Variants in SPIN1 observed in about 807,000 individuals in gnomAD.
SPIN1 encodes spindlin-1.
SPIN1 carries 3 observed loss-of-function variants against 26.0 expected under a neutral mutation model. The observed-to-expected ratio is 0.12, with a 90% CI of 0.05 to 0.30. The LOEUF (loss-of-function observed/expected upper bound fraction) is 0.30. SPIN1 is among the 10% of genes least tolerant of loss of function. SPIN1 has a pLI of 1.00. For synonymous variants in SPIN1, 101 were observed against 116.5 expected, an observed-to-expected ratio of 0.87 and a Z score of 0.86; for missense variants, 126 against 333.4, an observed-to-expected ratio of 0.38 and a Z score of 4.84.
At chr9:88,410,579 A>G (rs1358494389) in intron 1 of SPIN1, 2 of 847,846 alleles carry the variant, frequency 2.4e-6, no homozygotes, top group East Asian at 2.4e-5. Flanking sequence ...GAACCACCAT[A>G]GTAGCCACCG....
At chr9:88,418,852 T>G (rs1827618711) in intron 1 of SPIN1, 1 of 152,198 alleles carries the variant, frequency 6.6e-6, no homozygotes, top group African/African-American at 2.4e-5. Context: ...TGCTGCAGTT[T>G]TTCAGTTTCC....
At chr9:88,440,694 T>A (rs1828104291) in intron 2 of SPIN1, among the ~76,000 whole-genome samples, 1 of 150,238 alleles carries the variant, frequency 6.7e-6, no homozygotes, top group African/African-American at 2.5e-5. Context: ...TTCTCCCACC[T>A]CAGCCTCCCC....
intron 1 of SPIN1, among the ~76,000 whole-genome samples, chr9:88,411,792 G>A (rs1473284018): frequency 6.6e-6 from 1 of 152,074 alleles, no homozygotes; most frequent in Non-Finnish European, 1.5e-5. Context: ...TGGGATTACA[G>A]GTGTGAACCA....
intron 5 of SPIN1, among the ~76,000 whole-genome samples, chr9:88,474,046 C>T (rs768860991): frequency 6.6e-6 from 1 of 152,048 alleles, no homozygotes; most frequent in Non-Finnish European, 1.5e-5. Flanking sequence ...TTATTGTAAC[C>T]GAAGAGGCAG....
chr9:88,411,499 A>G (rs935205594), intron 1 of SPIN1: 12 of 841,332 alleles, frequency 1.4e-5, no homozygotes, highest in African/African-American at 5.1e-5. Context: ...ATGATGCTTC[A>G]GCGTCATCCA....
chr9:88,425,673 C>CAA (rs370111864), intron 1 of SPIN1, among the ~76,000 whole-genome samples: 9 of 99,252 alleles, frequency 9.1e-5, no homozygotes, highest in Admixed American at 2.2e-4. Context: ...GACTCTGTCT[C>CAA]AAAAAAAAAA....
chr9:88,405,861 A>G (rs541405894), intron 1 of SPIN1, among the ~76,000 whole-genome samples: 7 of 151,364 alleles, frequency 4.6e-5, no homozygotes, highest in African/African-American at 1.5e-4. Context: ...TTTTTGAGAC[A>G]GGGTCTCGCT....
intron 2 of SPIN1, among the ~76,000 whole-genome samples, chr9:88,438,036 A>G (rs947252662): frequency 1.3e-5 from 2 of 152,092 alleles, no homozygotes; most frequent in African/African-American, 4.8e-5. Context: ...CTGTAATCCC[A>G]GCTACTTGGG....
chr9:88,462,692 C>T lies in SPIN1; in HGVS notation c.298C>T (p.Leu100=), dbSNP rs201550769. ...KYDGFDCVYG[L]ELNKDERVSA... is the part of the protein sequence containing the mutation. ...CGATGGATTTGACTGTGTTTATGGACTAGAACTTAATAAAGATGAAAGAGT... is the reference window on the plus strand; with the variant it reads ...CGATGGATTTGACTGTGTTTATGGATTAGAACTTAATAAAGATGAAAGAGT... Residue 100 remains leucine (L), a synonymous_variant, in exon 4 of 6, where the codon CTA becomes TTA. Transcript: ENST00000375859. The T allele has an allele frequency of 6.2e-7, 1 of 1,614,058 alleles. No individual in the cohort carries two copies. The highest frequency in any genetic ancestry group is 8.5e-7 in the Non-Finnish European group (1 of 1,179,994).
In SPIN1 at chr9:88,465,489, C is replaced by T. The variant is rs530232149; in HGVS notation, c.355+2740C>T. Among the ~76,000 whole-genome samples the T allele has an allele frequency of 5.3e-5, 8 of 152,124 alleles. No homozygotes were observed. The South Asian group carries it at 1.7e-3, about 32-fold the overall frequency. The stretch of plus-strand genomic sequence containing the variant: ...TACTGTTTTTGTCATAGTGGTCATC[C>T]TGATGGGTGTGATACGATACCTCAT... On this transcript the variant is annotated intron_variant, in intron 4 of 5. Transcript: ENST00000375859.
At chr9:88,445,675 C>T (rs777593314) in intron 2 of SPIN1, among the ~76,000 whole-genome samples, 13 of 151,392 alleles carry the variant, frequency 8.6e-5, no homozygotes, top group East Asian at 5.8e-4. Flanking sequence ...GAATTACAGA[C>T]GCCCACCACT....
Position 88,395,548 on chromosome 9 carries a change from T to C in SPIN1, c.-159+7010T>C, listed in dbSNP as rs193258679. On this transcript the variant is annotated intron_variant, in intron 1 of 5. Coordinates refer to ENST00000375859, the MANE Select transcript of SPIN1 (RefSeq NM_006717.3). ...TGTGCAGATACAGCTTTAAGATAGA[T>C]GTGGGGTGAAAGGTAAACACATTTG... Among the ~76,000 whole-genome samples, 181 of 152,220 alleles carry C rather than the reference T, an allele frequency of 1.2e-3. 2 individuals are homozygous for C. The highest frequency in any genetic ancestry group is 3.4e-3 in the Middle Eastern group (1 of 294).
chr9:88,449,635 A>G (rs1030876511), intron 3 of SPIN1, among the ~76,000 whole-genome samples: 1 of 151,992 alleles, frequency 6.6e-6, no homozygotes, highest in Admixed American at 6.6e-5. Flanking sequence ...TTAAGATTCT[A>G]TTGTTTTCAA....
intron 1 of SPIN1, among the ~76,000 whole-genome samples, chr9:88,420,415 A>C (rs756460215): frequency 6.6e-6 from 1 of 152,226 alleles, no homozygotes; most frequent in African/African-American, 2.4e-5. Flanking sequence ...AGTTTTACTC[A>C]AGTGCAAAAC....
intron 2 of SPIN1, among the ~76,000 whole-genome samples, chr9:88,443,637 G>T (rs1312997781): frequency 6.6e-6 from 1 of 152,214 alleles, no homozygotes; most frequent in Non-Finnish European, 1.5e-5. Flanking sequence ...CTTGTTGAAA[G>T]GCGCAGATGA....
intron 2 of SPIN1, among the ~76,000 whole-genome samples, chr9:88,432,643 C>G (rs569404340): frequency 6.6e-6 from 1 of 151,650 alleles, no homozygotes; most frequent in South Asian, 2.1e-4. Flanking sequence ...GCCACCATGC[C>G]CAGCTAATTT....
chr9:88,468,075 TTTTGA>T lies in SPIN1; in HGVS notation c.356-292_356-288del, dbSNP rs143363591. Among the ~76,000 whole-genome samples, 1,328 of 152,284 alleles carry T rather than the reference TTTTGA, an allele frequency of 8.7e-3. 18 individuals carry two copies. Among genetic ancestry groups the T allele is most frequent in the South Asian group, 0.036 (175 of 4,824 alleles). On this transcript the variant is annotated intron_variant, in intron 4 of 5. Coordinates refer to ENST00000375859, the MANE Select transcript of SPIN1 (RefSeq NM_006717.3). Reference sequence around the variant, plus strand: ...TATACCTTGAATGAACAATTAAAACTTTTGATTTGGGTACAGAACCAAGAGCAGAT... The same window carrying T: ...TATACCTTGAATGAACAATTAAAACTTTTGGGTACAGAACCAAGAGCAGAT...
At chr9:88,463,576 T>C (rs1828610751) in intron 4 of SPIN1, among the ~76,000 whole-genome samples, 1 of 152,210 alleles carries the variant, frequency 6.6e-6, no homozygotes, top group Admixed American at 6.5e-5. Flanking sequence ...CTCCTCGCTT[T>C]GTTTTTCTTC....
chr9:88,394,106 C>T (rs1019416377), intron 1 of SPIN1, among the ~76,000 whole-genome samples: 1 of 152,206 alleles, frequency 6.6e-6, no homozygotes, highest in African/African-American at 2.4e-5. Context: ...ACCTCAGCCT[C>T]CCAAAGTGCT....
Sources: allele counts gnomAD v4.1 joint callset (sites outside exome capture counted in the v4.1 genomes callset), GRCh38; gene constraint gnomAD v4.1.1; transcripts MANE v1.5; gene names NCBI Gene and HGNC (gene_info 2026-07-23, HGNC 2026-07-21).